Variants in DRC8 observed in about 807,000 individuals in gnomAD.
DRC8 encodes the protein dynein regulatory complex protein 8.
At chr1:245,070,716 T>C in the DRC8 span, among the ~76,000 whole-genome samples, 1 of 152,212 alleles carries the variant, frequency 6.6e-6, no homozygotes, top group East Asian at 1.9e-4. Context: ...TTTTATTCAG[T>C]AAAACTTAAT....
At chr1:244,998,502 C>T in the DRC8 span, among the ~76,000 whole-genome samples, 2 of 152,206 alleles carry the variant, frequency 1.3e-5, no homozygotes, top group South Asian at 2.1e-4. Flanking sequence ...TGAGCCACTG[C>T]GCCCAGCTCC....
At chr1:245,040,706 T>C in the DRC8 span, among the ~76,000 whole-genome samples, 8 of 152,096 alleles carry the variant, frequency 5.3e-5, no homozygotes, top group African/African-American at 1.9e-4. Flanking sequence ...CTTTGGGAGG[T>C]TGAGGCGGGA....
At chr1:245,092,739 T>C in the DRC8 span, among the ~76,000 whole-genome samples, 1 of 152,100 alleles carries the variant, frequency 6.6e-6, no homozygotes, top group East Asian at 1.9e-4. Context: ...TGAATGAAAG[T>C]GTGGGATTTG....
the DRC8 span, among the ~76,000 whole-genome samples, chr1:245,044,551 A>ATTTG: frequency 2.1e-5 from 1 of 46,642 alleles, no homozygotes; most frequent in African/African-American, 1.3e-4. Context: ...CCCAGGCTGG[A>ATTTG]TTTATTTATT....
the DRC8 span, among the ~76,000 whole-genome samples, chr1:245,092,003 G>A: frequency 6.6e-6 from 1 of 152,192 alleles, no homozygotes; most frequent in African/African-American, 2.4e-5. Context: ...CCTGTGGAAA[G>A]CCATCTCTAT....
the DRC8 span, among the ~76,000 whole-genome samples, chr1:245,041,204 A>G: frequency 2.4e-4 from 37 of 152,320 alleles, 1 homozygote; most frequent in Admixed American, 2.2e-3. Context: ...AAGGATTAGG[A>G]TGCTGGAGAA....
chr1:245,015,073 T>G, the DRC8 span, among the ~76,000 whole-genome samples: 3 of 152,194 alleles, frequency 2.0e-5, no homozygotes, highest in African/African-American at 4.8e-5. Flanking sequence ...CCTAATCTCT[T>G]TCTTTCTGGG....
chr1:245,024,811 T>C, the DRC8 span, among the ~76,000 whole-genome samples: 4 of 152,174 alleles, frequency 2.6e-5, no homozygotes, highest in Admixed American at 1.3e-4. Flanking sequence ...CCCAAAGTGC[T>C]GGGATTACAG....
the DRC8 span, among the ~76,000 whole-genome samples, chr1:245,077,731 G>T: frequency 1.3e-5 from 2 of 152,136 alleles, no homozygotes; most frequent in Non-Finnish European, 1.5e-5. Context: ...ACTCAAGCTG[G>T]ATTAAAGATT....
the DRC8 span, among the ~76,000 whole-genome samples, chr1:245,115,259 A>T: frequency 4.0e-5 from 6 of 151,532 alleles, no homozygotes; most frequent in African/African-American, 1.5e-4. Flanking sequence ...TGTTGCCCAG[A>T]CTGATCTCAA....
the DRC8 span, among the ~76,000 whole-genome samples, chr1:245,100,177 G>T: frequency 6.6e-6 from 1 of 152,186 alleles, no homozygotes; most frequent in Admixed American, 6.5e-5. Context: ...CTGAGGTCAG[G>T]AGTTCGAGAC....
chr1:245,038,464 C>T, the DRC8 span, among the ~76,000 whole-genome samples: 8 of 140,556 alleles, frequency 5.7e-5, no homozygotes, highest in African/African-American at 1.4e-4. Context: ...AGTGAGACTC[C>T]GTCTCAAAAA....
the DRC8 span, chr1:245,081,932 ATAAAG>A: frequency 3.3e-6 from 2 of 611,376 alleles, no homozygotes; most frequent in Non-Finnish European, 5.9e-6. Context: ...TCTTAAAAAG[ATAAAG>A]TAAAGGACCA....
chr1:245,075,539 C>A, the DRC8 span: 1 of 152,210 alleles, frequency 6.6e-6, no homozygotes, highest in Non-Finnish European at 1.5e-5. Context: ...AGTATATTTT[C>A]TTCAGGTCAC....
At chr1:244,980,628 C>T in the DRC8 span, among the ~76,000 whole-genome samples, 2 of 152,086 alleles carry the variant, frequency 1.3e-5, no homozygotes, top group African/African-American at 2.4e-5. Flanking sequence ...GTCAGGGACA[C>T]GGTTTCTGAT....
At chr1:245,027,305 T>C in the DRC8 span, among the ~76,000 whole-genome samples, 45 of 152,056 alleles carry the variant, frequency 3.0e-4, no homozygotes, top group Non-Finnish European at 1.9e-4. Flanking sequence ...CCCTGTGTAA[T>C]AAAATAAGTG....
At chr1:245,054,652 T>G in the DRC8 span, among the ~76,000 whole-genome samples, 3 of 152,144 alleles carry the variant, frequency 2.0e-5, no homozygotes, top group Non-Finnish European at 4.4e-5. Flanking sequence ...TCCTTGAATG[T>G]GGGTACTCCT....
the DRC8 span, among the ~76,000 whole-genome samples, chr1:245,073,669 G>T: frequency 2.6e-5 from 4 of 151,910 alleles, no homozygotes; most frequent in Non-Finnish European, 5.9e-5. Context: ...AAAAAAAGAC[G>T]CTAGAATTCT....
chr1:245,048,534 C>A, the DRC8 span, among the ~76,000 whole-genome samples: 4 of 151,436 alleles, frequency 2.6e-5, no homozygotes, highest in Non-Finnish European at 4.4e-5. Context: ...TAAATAAAAT[C>A]TTTTTATTTA....
Sources: gnomAD v4.1 joint callset for allele counts (sites outside exome capture counted in the v4.1 genomes callset) on GRCh38, gnomAD v4.1.1 for gene constraint, MANE v1.5 for transcripts, NCBI Gene and HGNC (gene_info 2026-07-23, HGNC 2026-07-21) for gene names.